Variants in TMEM178B observed in about 807,000 individuals in gnomAD.
TMEM178B encodes transmembrane protein 178B.
In TMEM178B, 5 loss-of-function variants were observed where a neutral mutation model predicts 31.0. The observed-to-expected ratio is 0.16, with a 90% CI of 0.08 to 0.34. The LOEUF is 0.34. Ranked by LOEUF, TMEM178B falls within the 10% of genes least tolerant of loss-of-function variation. TMEM178B has a pLI of 1.00. For missense variants in TMEM178B, 275 were observed against 400.3 expected (o/e 0.69, Z 2.67); for synonymous variants, 164 against 164.0 (o/e 1.00, Z 0.00).
intron 2 of TMEM178B, among the ~76,000 whole-genome samples, chr7:141,283,185 T>C (rs1798393548): frequency 6.6e-6 from 1 of 152,208 alleles, no homozygotes; most frequent in Admixed American, 6.5e-5. Context: ...ATGCACTGGC[T>C]CTCAGCTTAT....
chr7:141,230,087 C>T (rs1249879835), intron 2 of TMEM178B, among the ~76,000 whole-genome samples: 2 of 152,242 alleles, frequency 1.3e-5, no homozygotes, highest in South Asian at 2.1e-4. Context: ...TGTAAGTATA[C>T]ATAATTTACT....
intron 2 of TMEM178B, among the ~76,000 whole-genome samples, chr7:141,320,760 A>G (rs1328141098): frequency 6.6e-6 from 1 of 152,176 alleles, no homozygotes; most frequent in African/African-American, 2.4e-5. Flanking sequence ...TATCTGTAAA[A>G]TGTCCCCATT....
intron 2 of TMEM178B, among the ~76,000 whole-genome samples, chr7:141,283,602 G>A (rs1798399176): frequency 6.6e-6 from 1 of 152,170 alleles, no homozygotes; most frequent in Non-Finnish European, 1.5e-5. Context: ...AAAGACAAAT[G>A]TTTGAAGTGT....
chr7:141,331,661 G>A (rs1242825665), intron 2 of TMEM178B, among the ~76,000 whole-genome samples: 1 of 152,186 alleles, frequency 6.6e-6, no homozygotes, highest in Non-Finnish European at 1.5e-5. Context: ...TGCTGCAAGG[G>A]AAAGGAAGGA....
In TMEM178B at chr7:141,322,947, T is replaced by C. The variant is rs1799126657; in HGVS notation, c.496+110243T>C. Among the ~76,000 whole-genome samples, 5 of 152,298 alleles carry C rather than the reference T, an allele frequency of 3.3e-5. No individual in the cohort carries two copies. The South Asian group carries it at 1.0e-3, about 32-fold the overall frequency. On this transcript the variant is annotated intron_variant, in intron 2 of 3. Coordinates refer to ENST00000565468, the MANE Select transcript of TMEM178B (RefSeq NM_001195278.2). ...CTGGCTATTAACGTGCTTTCTCTGG[T>C]CCTGATTTTTTAAATTTTTATTTGT...
intron 2 of TMEM178B, among the ~76,000 whole-genome samples, chr7:141,359,396 T>C (rs1234456069): frequency 6.6e-6 from 1 of 152,246 alleles, no homozygotes; most frequent in African/African-American, 2.4e-5. Flanking sequence ...GTAACTGCCA[T>C]GCTCTCATTC....
chr7:141,418,876 CTCTTA>C (rs1801148328), intron 2 of TMEM178B, among the ~76,000 whole-genome samples: 1 of 151,578 alleles, frequency 6.6e-6, no homozygotes, highest in Non-Finnish European at 1.5e-5. Context: ...AATTTCTCTT[CTCTTA>C]TGAGATTTGT....
intron 1 of TMEM178B, among the ~76,000 whole-genome samples, chr7:141,147,757 G>A (rs1795878662): frequency 1.3e-5 from 2 of 152,154 alleles, no homozygotes; most frequent in African/African-American, 4.8e-5. Context: ...AGTGGGAGAG[G>A]GATTGAGCTG....
intron 1 of TMEM178B, among the ~76,000 whole-genome samples, chr7:141,184,548 T>C (rs1008084603): frequency 6.6e-6 from 1 of 152,186 alleles, no homozygotes; most frequent in Non-Finnish European, 1.5e-5. Context: ...GTCTTATATG[T>C]GGGAGCCTCT....
At chr7:141,374,222 T>C (rs534391457) in intron 2 of TMEM178B, among the ~76,000 whole-genome samples, 1 of 152,282 alleles carries the variant, frequency 6.6e-6, no homozygotes, top group South Asian at 2.1e-4. Context: ...TGATTTGAAA[T>C]CAGCATTTAA....
chr7:141,233,131 G>A (rs758474166), intron 2 of TMEM178B, among the ~76,000 whole-genome samples: 3 of 152,196 alleles, frequency 2.0e-5, no homozygotes, highest in Non-Finnish European at 4.4e-5. Flanking sequence ...AAGGCAGATT[G>A]GGAGTCTCTC....
At chr7:141,322,235 A>T (rs1799112297) in intron 2 of TMEM178B, among the ~76,000 whole-genome samples, 2 of 152,242 alleles carry the variant, frequency 1.3e-5, no homozygotes, top group Non-Finnish European at 2.9e-5. Flanking sequence ...TGTTATAAGA[A>T]TAAAGAGTAG....
chr7:141,163,143 A>G (rs900179287), intron 1 of TMEM178B, among the ~76,000 whole-genome samples: 1 of 152,168 alleles, frequency 6.6e-6, no homozygotes, highest in Non-Finnish European at 1.5e-5. Context: ...TCATTCATGC[A>G]TCTCTAGGTT....
At chr7:141,442,573 G>A (rs1415928295) in intron 3 of TMEM178B, among the ~76,000 whole-genome samples, 1 of 152,040 alleles carries the variant, frequency 6.6e-6, no homozygotes, top group East Asian at 1.9e-4. Flanking sequence ...TACCACACTG[G>A]CTGCCTTTCT....
Position 141,291,195 on chromosome 7 carries a change from C to T in TMEM178B, c.496+78491C>T, listed in dbSNP as rs370040911. On this transcript the variant is annotated intron_variant, in intron 2 of 3. Coordinates refer to ENST00000565468, the MANE Select transcript of TMEM178B (RefSeq NM_001195278.2). ...TATATTGGGAAAGTGTTATTTATCCCCTGCAGCTGGAGGAGTGTTCTGTAC... is the reference window on the plus strand; with the variant it reads ...TATATTGGGAAAGTGTTATTTATCCTCTGCAGCTGGAGGAGTGTTCTGTAC... Among the ~76,000 whole-genome samples the T allele has an allele frequency of 8.5e-5, 13 of 152,246 alleles. No individual in the cohort carries two copies. In the East Asian group the frequency reaches 1.5e-3, roughly 18 times the overall value.
intron 2 of TMEM178B, among the ~76,000 whole-genome samples, chr7:141,252,202 T>A (rs893960449): frequency 2.0e-5 from 3 of 152,146 alleles, no homozygotes; most frequent in Non-Finnish European, 1.5e-5. Context: ...CTAGCTGGTA[T>A]GGGGCAGGTA....
At chr7:141,126,430 C>T (rs1795497771) in intron 1 of TMEM178B, among the ~76,000 whole-genome samples, 1 of 152,228 alleles carries the variant, frequency 6.6e-6, no homozygotes, top group Non-Finnish European at 1.5e-5. Flanking sequence ...TTCATTTAGC[C>T]TCAGAACCCT....
At chr7:141,099,499 T>C (rs1282231008) in intron 1 of TMEM178B, among the ~76,000 whole-genome samples, 1 of 152,238 alleles carries the variant, frequency 6.6e-6, no homozygotes, top group Non-Finnish European at 1.5e-5. Flanking sequence ...TGGACTCATA[T>C]GTAGCCAGCA....
chr7:141,260,825 A>G (rs552416764), intron 2 of TMEM178B, among the ~76,000 whole-genome samples: 243 of 152,374 alleles, frequency 1.6e-3, no homozygotes, highest in Middle Eastern at 3.4e-3. Flanking sequence ...GTAAGATATC[A>G]GAGGAATTTT....
Sources: gnomAD v4.1 joint callset for allele counts (sites outside exome capture counted in the v4.1 genomes callset) on GRCh38, gnomAD v4.1.1 for gene constraint, MANE v1.5 for transcripts, NCBI Gene and HGNC (gene_info 2026-07-23, HGNC 2026-07-21) for gene names.